The following TOR1AIP2 variants were observed in gnomAD, a reference collection of about 807,000 sequenced individuals.
TOR1AIP2 encodes the protein torsin 1A interacting protein 2.
A neutral mutation model predicts 32.6 loss-of-function variants in TOR1AIP2; 20 were observed. The ratio of observed to expected loss-of-function variants is 0.61; its 90% CI spans 0.43 to 0.89. The LOEUF (loss-of-function observed/expected upper bound fraction) is 0.89, where lower values mean the gene tolerates loss of function less well. TOR1AIP2 is among the 40% of genes least tolerant of loss of function. The pLI, the probability that TOR1AIP2 is intolerant of heterozygous loss-of-function variation, is 0.00. For synonymous variants in TOR1AIP2, 214 were observed against 210.8 expected, an observed-to-expected ratio of 1.02 and a Z score of -0.13; for missense variants, 456 against 553.8, an observed-to-expected ratio of 0.82 and a Z score of 1.77.
chr1:179,875,384 A>G (rs1260901282), intron 2 of TOR1AIP2: 1 of 152,222 alleles, frequency 6.6e-6, no homozygotes, highest in Non-Finnish European at 1.5e-5. Context: ...TGAAGATCAA[A>G]TGAGATAATG....
intron 3 of TOR1AIP2, chr1:179,865,069 G>A (rs1437097783): frequency 1.9e-6 from 3 of 1,613,910 alleles, no homozygotes; most frequent in Non-Finnish European, 2.5e-6. Context: ...AGAATACCTG[G>A]TAACATTCAT....
chr1:179,859,248 T>C (rs1696421158), intron 3 of TOR1AIP2: 1 of 882,786 alleles, frequency 1.1e-6, no homozygotes, highest in South Asian at 5.2e-5. Flanking sequence ...CACAGCACTT[T>C]ATTAACTCGT....
At chr1:179,871,881 T>C (rs967863786) in intron 2 of TOR1AIP2, among the ~76,000 whole-genome samples, 4 of 152,230 alleles carry the variant, frequency 2.6e-5, no homozygotes, top group African/African-American at 9.6e-5. Context: ...AAAGGAATCA[T>C]TCTTCTTTTT....
At chr1:179,865,241 C>A (rs779760194) in intron 3 of TOR1AIP2, 195 bp downstream of exon 3, 10 of 1,515,878 alleles carry the variant, frequency 6.6e-6, no homozygotes, top group Non-Finnish European at 8.8e-6. Context: ...CAGAGAGAGA[C>A]GCCCAAACAC....
intron 3 of TOR1AIP2, chr1:179,863,388 G>GA: frequency 1.0e-6 from 1 of 985,254 alleles, no homozygotes; most frequent in Non-Finnish European, 1.2e-6. Flanking sequence ...GGATTTTTGG[G>GA]AAAGACTTGA....
chr1:179,872,344 T>C (rs919823108), intron 2 of TOR1AIP2, among the ~76,000 whole-genome samples: 2 of 152,226 alleles, frequency 1.3e-5, no homozygotes, highest in African/African-American at 4.8e-5. Context: ...TACACAACTT[T>C]CAACAGTCAG....
intron 5 of TOR1AIP2, among the ~76,000 whole-genome samples, chr1:179,850,172 T>C (rs183087888): frequency 5.3e-5 from 8 of 152,232 alleles, no homozygotes; most frequent in African/African-American, 7.2e-5. Context: ...AAACAGGAAA[T>C]TGAAGCACCA....
Position 179,846,714 on chromosome 1 carries a change from G to A in TOR1AIP2, c.770C>T (p.Ala257Val), listed in dbSNP as rs372975072. The A allele has an allele frequency of 2.9e-5, 47 of 1,613,866 alleles. No homozygotes were observed. The highest frequency in any genetic ancestry group is 3.5e-5 in the Non-Finnish European group (41 of 1,180,028). ...TTTATCTTCCAATTGGCTAAACTGG[G>A]CCAAAAAGGCCTCCAAAGCTGGATT... ...PKNPALEAFL[A>V]QFSQLEDKFP... is the part of the protein sequence containing the mutation. Residue 257 changes from alanine to valine, a missense_variant, in exon 7 of 7, where the codon GCC (alanine) becomes GTC (valine). By Grantham distance (64) the Ala-to-Val change is moderately conservative. Coordinates refer to ENST00000609928, the MANE Select transcript of TOR1AIP2 (RefSeq NM_001199260.2).
Position 179,843,213 on chromosome 1 carries a change from A to C in TOR1AIP2, c.*2858T>G, listed in dbSNP as rs1406874750. 1 of 152,168 alleles carries C rather than the reference A, an allele frequency of 6.6e-6. No homozygotes were observed. The highest frequency in any genetic ancestry group is 1.5e-5 in the Non-Finnish European group (1 of 68,034). The allele number at this position is 152,168 out of a possible 1,614,324, so 9.4% of individuals were successfully genotyped here. ...AGCTAATATACTGCTTCTTTTAAAA[A>C]TGATTTTTGAGGCCAGGTGCAGTGG... On this transcript the variant is annotated 3_prime_UTR_variant, in exon 7 of 7. Coordinates refer to ENST00000609928, the MANE Select transcript of TOR1AIP2 (RefSeq NM_001199260.2).
intron 3 of TOR1AIP2, chr1:179,863,950 T>C: frequency 1.0e-6 from 1 of 985,448 alleles, no homozygotes; most frequent in Non-Finnish European, 1.2e-6. Flanking sequence ...ATGCTTCCTC[T>C]AGACTGTTCA....
rs781375352 is a variant in TOR1AIP2 at position 179,851,155 on chromosome 1, A to G, written c.243T>C (p.His81=). ...TCTCATCTTCTGTTTTATCCTTTGGATGTTTCCCCACATTTGCTTCATCTG... is the reference window on the plus strand; with the variant it reads ...TCTCATCTTCTGTTTTATCCTTTGGGTGTTTCCCCACATTTGCTTCATCTG... ...ESPDEANVGK[H]PKDKTEDENK... Residue 81 remains histidine, a synonymous_variant, in exon 5 of 7, where the codon CAT becomes CAC. Coordinates refer to ENST00000609928, the MANE Select transcript of TOR1AIP2 (RefSeq NM_001199260.2). 5 of 1,613,770 alleles carry G rather than the reference A, an allele frequency of 3.1e-6. No homozygotes were observed. Among genetic ancestry groups the G allele is most frequent in the Admixed American group, 1.7e-5 (1 of 59,970 alleles).
rs547719657 is a variant in TOR1AIP2, at chr1:179,875,618, TG to T, written c.-566+1620del. The T allele has an allele frequency of 5.3e-5, 8 of 152,204 alleles. No homozygotes were observed. In the South Asian group the frequency reaches 1.7e-3, roughly 32 times the overall value. 9.4% of individuals were successfully genotyped at this position (152,204 alleles called of 1,614,324 possible). A position where few individuals can be genotyped will look rare whatever the true frequency, so the allele number is the denominator to read the frequency against. The stretch of plus-strand genomic sequence containing the variant: ...GAAAATCTCTAAAAATCAAACAATT[TG>T]ATTTGTTGAGGTAGTGGAGTTATAG... On this transcript the variant is annotated intron_variant, in intron 2 of 6. Transcript: ENST00000609928.
chr1:179,846,726 TCCAAAGC>T lies in TOR1AIP2; in HGVS notation c.751_757del (p.Ala251ArgfsTer56), dbSNP rs762884643. 3 of 1,614,026 alleles carry T rather than the reference TCCAAAGC, an allele frequency of 1.9e-6. No homozygotes were observed. The East Asian group carries it at 6.7e-5, about 36-fold the overall frequency. ...TTGGCTAAACTGGGCCAAAAAGGCC[TCCAAAGC>T]TGGATTTTTGGGCACTTGCTGGGCT... On this transcript the variant is annotated frameshift_variant, in exon 7 of 7. Transcript: ENST00000609928. LOFTEE classifies it high-confidence loss of function.
In TOR1AIP2 at chr1:179,865,881, TC is replaced by T. The variant is rs151211819; in HGVS notation, c.-565-28del. The T allele has an allele frequency of 1.4e-4, 21 of 152,778 alleles. No homozygotes were observed. In the East Asian group the frequency reaches 4.1e-3, roughly 29 times the overall value. The allele number at this position is 152,778 out of a possible 1,614,324, so 9.5% of individuals were successfully genotyped here. A position where few individuals can be genotyped will look rare whatever the true frequency, so the allele number is the denominator to read the frequency against. On this transcript the variant is annotated intron_variant, in intron 2 of 6. Coordinates refer to ENST00000609928, the MANE Select transcript of TOR1AIP2 (RefSeq NM_001199260.2). ...TGTAAATGATAAAACTTCAGACGAC[TC>T]ATGGGTTTTGCAGTTGTTCACATTA... is the stretch of plus-strand genomic sequence containing the variant.
rs1376953227 is a variant in TOR1AIP2 at position 179,865,715 on chromosome 1, G to C, written c.-426C>G. 1 of 152,998 alleles carries C rather than the reference G, an allele frequency of 6.5e-6. No individual in the cohort carries two copies. The highest frequency in any genetic ancestry group is 1.5e-5 in the Non-Finnish European group (1 of 68,346). 9.5% of individuals were successfully genotyped at this position (152,998 alleles called of 1,614,324 possible). ...GGCCTTGGCACTTTATAGCAATGTAGAGGGGTCAGAAAAACCTGGCAGAGT... is the reference window on the plus strand; with the variant it reads ...GGCCTTGGCACTTTATAGCAATGTACAGGGGTCAGAAAAACCTGGCAGAGT... On this transcript the variant is annotated 5_prime_UTR_variant, in exon 3 of 7. Transcript: ENST00000609928.
chr1:179,871,065 T>G (rs1274772247), intron 2 of TOR1AIP2, among the ~76,000 whole-genome samples: 1 of 152,176 alleles, frequency 6.6e-6, no homozygotes, highest in African/African-American at 2.4e-5. Flanking sequence ...TAAGGGCTCT[T>G]AGAGGGATAT....
At chr1:179,870,198 C>T (rs757632321) in intron 2 of TOR1AIP2, among the ~76,000 whole-genome samples, 2 of 152,082 alleles carry the variant, frequency 1.3e-5, no homozygotes, top group Non-Finnish European at 2.9e-5. Context: ...AGATGGAGAC[C>T]ATCCTGGCTA....
intron 2 of TOR1AIP2, chr1:179,874,766 A>G (rs1412936422): frequency 6.6e-6 from 1 of 152,210 alleles, no homozygotes; most frequent in Non-Finnish European, 1.5e-5. Context: ...CTATCTCAAA[A>G]AAGAAACAAA....
Position 179,845,897 on chromosome 1 carries a change from A to T in TOR1AIP2, c.*174T>A. ...TTTTAGCTTTGTCAAGGCTTAGATTAGAAAGATTTTACAAGGAATAAAAAA... is the reference window on the plus strand; with the variant it reads ...TTTTAGCTTTGTCAAGGCTTAGATTTGAAAGATTTTACAAGGAATAAAAAA... On this transcript the variant is annotated 3_prime_UTR_variant, in exon 7 of 7. Coordinates refer to ENST00000609928, the MANE Select transcript of TOR1AIP2 (RefSeq NM_001199260.2). 1 of 642,376 alleles carries T rather than the reference A, an allele frequency of 1.6e-6. No homozygotes were observed. 39.8% of individuals were successfully genotyped at this position (642,376 alleles called of 1,614,324 possible). A position where few individuals can be genotyped will look rare whatever the true frequency, so the allele number is the denominator to read the frequency against.
Sources: allele counts gnomAD v4.1 joint callset (sites outside exome capture counted in the v4.1 genomes callset), GRCh38; gene constraint gnomAD v4.1.1; transcripts MANE v1.5; gene names NCBI Gene and HGNC (gene_info 2026-07-23, HGNC 2026-07-21).